Variants in STAU2 observed in about 807,000 individuals in gnomAD.
The protein encoded by STAU2 is double-stranded RNA-binding protein Staufen homolog 2.
Under a neutral mutation model 65.9 loss-of-function variants are expected in STAU2, and 20 were observed. That is an observed-to-expected ratio of 0.30 (90% confidence interval 0.21 to 0.44). The LOEUF (loss-of-function observed/expected upper bound fraction) is 0.44. Ranked by LOEUF, STAU2 falls within the 20% of genes least tolerant of loss-of-function variation. The pLI is 1.00. For synonymous variants in STAU2, 232 were observed against 233.9 expected (o/e 0.99, Z 0.07); for missense variants, 558 against 683.9 (o/e 0.82, Z 2.05).
At chr8:73,441,082 C>G (rs1291126837) in intron 13 of STAU2, 1 of 152,296 alleles carries the variant, frequency 6.6e-6, no homozygotes, top group Non-Finnish European at 1.5e-5. Context: ...CTCCTTGTGA[C>G]CCCTGGATCT....
chr8:73,622,746 A>G (rs1159020376), intron 6 of STAU2, among the ~76,000 whole-genome samples: 4 of 152,246 alleles, frequency 2.6e-5, no homozygotes, highest in Admixed American at 2.0e-4. Flanking sequence ...TGCTGAAACA[A>G]ACAGACAACC....
At chr8:73,709,614 T>C (rs1003081331) in intron 3 of STAU2, among the ~76,000 whole-genome samples, 2 of 152,014 alleles carry the variant, frequency 1.3e-5, no homozygotes, top group Non-Finnish European at 2.9e-5. Flanking sequence ...GGGAATCAGG[T>C]CCTAAGTTTA....
chr8:73,739,819 T>C lies in STAU2; in HGVS notation c.-147A>G, dbSNP rs571123131. 91 of 1,507,562 alleles carry C rather than the reference T, an allele frequency of 6.0e-5. No individual in the cohort carries two copies. In the South Asian group the frequency reaches 1.1e-3, roughly 18 times the overall value. The allele number at this position is 1,507,562 out of a possible 1,614,324, so 93.4% of individuals were successfully genotyped here. On this transcript the variant is annotated 5_prime_UTR_variant, in exon 2 of 15. Coordinates refer to ENST00000524300, the MANE Select transcript of STAU2 (RefSeq NM_001164380.2). The stretch of plus-strand genomic sequence containing the variant: ...AGTTCTTCTTTTTCTGTCTTCTTTT[T>C]TTTCTTCAATCTTTAAAAAGTAAGC...
rs554186419 is a variant in STAU2 at position 73,521,485 on chromosome 8, T to C, written c.1530+30527A>G. Among the ~76,000 whole-genome samples the C allele has an allele frequency of 3.3e-5, 5 of 152,322 alleles. No individual in the cohort carries two copies. The South Asian group carries it at 1.0e-3, about 32-fold the overall frequency. On this transcript the variant is annotated intron_variant, in intron 13 of 14. Coordinates refer to ENST00000524300, the MANE Select transcript of STAU2 (RefSeq NM_001164380.2). ...ATGTATACGGTAAACATACTACATA[T>C]AGATTTGGTTCTTGCTTATTTTCTC...
chr8:73,570,663 C>T (rs1022425208), intron 12 of STAU2, among the ~76,000 whole-genome samples: 3 of 152,056 alleles, frequency 2.0e-5, no homozygotes, highest in Non-Finnish European at 4.4e-5. Context: ...TTCACCAAAG[C>T]TGAAATGAAG....
Position 73,703,472 on chromosome 8 carries a change from G to T in STAU2, c.114+5560C>A, listed in dbSNP as rs545424299. On this transcript the variant is annotated intron_variant, in intron 4 of 14. Transcript: ENST00000524300. ...AACTATTTATAGCAATACAAGAATGGACTAATACAATGTCTATATGAAGAC... is the reference window on the plus strand; with the variant it reads ...AACTATTTATAGCAATACAAGAATGTACTAATACAATGTCTATATGAAGAC... 3.0e-3 allele frequency among the ~76,000 whole-genome samples: 449 copies of T among 152,146 alleles called. 3 individuals are homozygous for T. Among genetic ancestry groups the T allele is most frequent in the African/African-American group, 0.01 (430 of 41,494 alleles).
intron 6 of STAU2, among the ~76,000 whole-genome samples, chr8:73,663,534 CT>C (rs1181596198): frequency 6.6e-6 from 1 of 151,634 alleles, no homozygotes; most frequent in Non-Finnish European, 1.5e-5. Context: ...CAATTTTGTT[CT>C]TTTCAAAATT....
At chr8:73,521,993 T>G (rs1823068221) in intron 13 of STAU2, among the ~76,000 whole-genome samples, 1 of 152,230 alleles carries the variant, frequency 6.6e-6, no homozygotes, top group African/African-American at 2.4e-5. Context: ...AATTCATTCT[T>G]TCATGTATAT....
chr8:73,615,899 T>C, intron 7 of STAU2, 117 bp from the exon 8 acceptor site: 1 of 697,904 alleles, frequency 1.4e-6, no homozygotes, highest in Non-Finnish European at 2.4e-6. Flanking sequence ...CTATATAGAC[T>C]GTATCTGCTG....
At chr8:73,575,156 C>G (rs980221457) in intron 12 of STAU2, among the ~76,000 whole-genome samples, 4 of 148,932 alleles carry the variant, frequency 2.7e-5, no homozygotes, top group Admixed American at 6.7e-5. Flanking sequence ...GAGAAAAAGA[C>G]TAACCAATCT....
At chr8:73,498,453 G>A (rs768312095) in intron 13 of STAU2, among the ~76,000 whole-genome samples, 1 of 151,654 alleles carries the variant, frequency 6.6e-6, no homozygotes, top group East Asian at 1.9e-4. Flanking sequence ...TAGTAGGTAT[G>A]CATGTTTACT....
At position 73,421,302 on chromosome 8, in the gene STAU2, A is replaced by G. The variant is rs1343235761; in HGVS notation, c.*70T>C. 6.7e-6 allele frequency: 9 copies of G among 1,348,002 alleles called. No individual in the cohort carries two copies. Among genetic ancestry groups the G allele is most frequent in the Non-Finnish European group, 9.2e-6 (9 of 975,852 alleles). 83.5% of individuals were successfully genotyped at this position (1,348,002 alleles called of 1,614,324 possible). ...ATGGTATTAGTCATTCATTTCCCTG[A>G]ACACAGACACCCTCATGCGTGCTGA... On this transcript the variant is annotated 3_prime_UTR_variant, in exon 15 of 15. Coordinates refer to ENST00000524300, the MANE Select transcript of STAU2 (RefSeq NM_001164380.2).
intron 6 of STAU2, among the ~76,000 whole-genome samples, chr8:73,658,464 A>C (rs79936786): frequency 0.2 from 30,752 of 152,156 alleles, 3,468 homozygotes; most frequent in East Asian, 0.37. Context: ...CAACATAAAA[A>C]CAAAGTTTGG....
At chr8:73,644,922 C>A (rs1261069220) in intron 6 of STAU2, among the ~76,000 whole-genome samples, 1 of 152,142 alleles carries the variant, frequency 6.6e-6, no homozygotes, top group African/African-American at 2.4e-5. Context: ...TATAAGTATT[C>A]AATAAATTGA....
chr8:73,673,444 T>C (rs574527898), intron 5 of STAU2, among the ~76,000 whole-genome samples: 2 of 152,240 alleles, frequency 1.3e-5, no homozygotes, highest in African/African-American at 4.8e-5. Flanking sequence ...TTTGCAATGT[T>C]TTCTGTACAT....
Position 73,615,744 on chromosome 8 carries a change from A to T in STAU2, c.609T>A (p.Asp203Glu), listed in dbSNP as rs1304772423. ...ESGKDVDDDK[D>E]ANKSEISLVF... Reference sequence around the variant, plus strand: ...CTAAGCTGATCTCAGACTTATTTGCATCTTTGTCATCATCCACATCCTTTC... The same window carrying T: ...CTAAGCTGATCTCAGACTTATTTGCTTCTTTGTCATCATCCACATCCTTTC... The change falls in exon 8 of 15, where the codon GAT becomes GAA. Residue 203 changes from aspartate (D) to glutamate (E), a missense_variant. This residue lies in a region of STAU2 where 199 missense variants were observed against 299.5 expected (regional missense o/e 0.66). Coordinates refer to ENST00000524300, the MANE Select transcript of STAU2 (RefSeq NM_001164380.2). 12 of 1,613,584 alleles carry T rather than the reference A, an allele frequency of 7.4e-6. No individual in the cohort carries two copies. The highest frequency in any genetic ancestry group is 1.0e-5 in the Non-Finnish European group (12 of 1,179,932).
rs1237726347 is a variant in STAU2 at position 73,433,522 on chromosome 8, A to G, written c.1531-10820T>C. On this transcript the variant is annotated intron_variant, in intron 13 of 14. Coordinates refer to ENST00000524300, the MANE Select transcript of STAU2 (RefSeq NM_001164380.2). Reference sequence around the variant, plus strand: ...CCCCGCCTTTTTTTTTTTTTTTTTGACAGAGTCTGGCTCTGTTGCCCAGGC... The same window carrying G: ...CCCCGCCTTTTTTTTTTTTTTTTTGGCAGAGTCTGGCTCTGTTGCCCAGGC... Among the ~76,000 whole-genome samples the G allele has an allele frequency of 9.1e-5, 10 of 109,630 alleles. No homozygotes were observed. The South Asian group carries it at 2.7e-3, about 29-fold the overall frequency. The allele number at this position is 109,630 out of a possible 152,430, so 71.9% of individuals were successfully genotyped here.
chr8:73,567,857 G>C (rs983163768), intron 12 of STAU2, among the ~76,000 whole-genome samples: 1 of 151,966 alleles, frequency 6.6e-6, no homozygotes, highest in Non-Finnish European at 1.5e-5. Flanking sequence ...CGCTGGGGGG[G>C]AGGGGGGAGT....
At chr8:73,574,812 C>T (rs561267148) in intron 12 of STAU2, among the ~76,000 whole-genome samples, 71 of 151,690 alleles carry the variant, frequency 4.7e-4, no homozygotes, top group African/African-American at 1.5e-3. Flanking sequence ...ATGTAAATGA[C>T]GAGTTAATGG....
Sources: allele counts gnomAD v4.1 joint callset (sites outside exome capture counted in the v4.1 genomes callset), GRCh38; gene constraint gnomAD v4.1.1; regional missense constraint gnomAD v4.1.1; transcripts MANE v1.5; gene names NCBI Gene and HGNC (gene_info 2026-07-23, HGNC 2026-07-21).